Variants in CELF2 observed in about 807,000 individuals in gnomAD.
The protein encoded by CELF2 is CUGBP Elav-like family member 2, also known as CUG triplet repeat RNA-binding protein 2.
CELF2 carries 8 observed loss-of-function variants against 62.6 expected under a neutral mutation model. The observed-to-expected ratio is 0.13, with a 90% CI of 0.07 to 0.23. The LOEUF (loss-of-function observed/expected upper bound fraction) is 0.23. Among genes scored for constraint, CELF2 ranks in the 10% least tolerant of loss-of-function variants. The pLI, the probability that CELF2 is intolerant of heterozygous loss-of-function variation, is 1.00. For synonymous variants in CELF2, 258 were observed against 250.0 expected (o/e 1.03, Z -0.30); for missense variants, 333 against 671.0 (o/e 0.50, Z 5.56).
the CELF2 span, among the ~76,000 whole-genome samples, chr10:10,728,920 G>C: frequency 1.3e-5 from 2 of 152,114 alleles, no homozygotes; most frequent in Non-Finnish European, 2.9e-5. Flanking sequence ...CCTTAACAAG[G>C]TCTACTGCTA....
chr10:10,619,442 T>A, the CELF2 span, among the ~76,000 whole-genome samples: 1 of 152,230 alleles, frequency 6.6e-6, no homozygotes, highest in Non-Finnish European at 1.5e-5. Context: ...TAGAAATCTT[T>A]ACAGAACAGC....
chr10:10,798,781 C>G (rs2054333097), exon 1 of CELF2: 1 of 398,720 alleles, frequency 2.5e-6, no homozygotes, highest in African/African-American at 2.1e-5. Flanking sequence ...TCCTTGGTCT[C>G]TGACTTGGAT....
chr10:11,272,110 T>C (rs2084038231), intron 7 of CELF2, among the ~76,000 whole-genome samples: 1 of 152,168 alleles, frequency 6.6e-6, no homozygotes, highest in African/African-American at 2.4e-5. Context: ...ATAATAGCTC[T>C]TCAGTACATA....
At position 10,936,565 on chromosome 10, in the gene CELF2, G is replaced by A. The variant is rs2135328401; in HGVS notation, c.89+16566G>A. On this transcript the variant is annotated intron_variant, in intron 2 of 13. Transcript: ENST00000636488. The surrounding 1 kb of genome is among the most constrained non-coding windows in gnomAD (Gnocchi z 4.0). ...GATGGAGTCCAGTTATCATTGCAGGGCCTGTTCTTGGGGCAGAAGAGTCAG... is the reference window on the plus strand; with the variant it reads ...GATGGAGTCCAGTTATCATTGCAGGACCTGTTCTTGGGGCAGAAGAGTCAG... 1 of 152,304 alleles carries A rather than the reference G, an allele frequency of 6.6e-6. No individual in the cohort carries two copies. Among genetic ancestry groups the A allele is most frequent in the East Asian group, 1.9e-4 (1 of 5,182 alleles). 9.4% of individuals were successfully genotyped at this position (152,304 alleles called of 1,614,324 possible). A position where few individuals can be genotyped will look rare whatever the true frequency, so the allele number is the denominator to read the frequency against.
At position 11,267,237 on chromosome 10, in the gene CELF2, C is replaced by A. The variant is rs1299681309; in HGVS notation, c.618+560C>A. Among the ~76,000 whole-genome samples, 2 of 152,202 alleles carry A rather than the reference C, an allele frequency of 1.3e-5. No homozygotes were observed. The highest frequency in any genetic ancestry group is 2.4e-5 in the African/African-American group (1 of 41,446). On this transcript the variant is annotated intron_variant, in intron 6 of 12. Transcript: ENST00000633077. This position sits in a 1 kb window ranked among gnomAD's most constrained non-coding sequence, Gnocchi z 4.4. ...CAAATTTGGAAAATAGGATTTGTCT[C>A]CTTCCTTAAAAAGATGAGCAATAAC...
chr10:10,666,520 C>G, the CELF2 span, among the ~76,000 whole-genome samples: 1 of 152,276 alleles, frequency 6.6e-6, no homozygotes, highest in African/African-American at 2.4e-5. Context: ...CTGAAATCAC[C>G]TATCTCAGAA....
chr10:11,099,506 A>G (rs916828573), intron 1 of CELF2, among the ~76,000 whole-genome samples: 48 of 152,310 alleles, frequency 3.2e-4, no homozygotes, highest in African/African-American at 1.1e-3. Context: ...TGCCTTAAAC[A>G]GATACATTTT....
At chr10:10,899,466 A>G (rs1591674240) in intron 1 of CELF2, among the ~76,000 whole-genome samples, 1 of 152,198 alleles carries the variant, frequency 6.6e-6, no homozygotes, top group East Asian at 1.9e-4. Context: ...AACCTAGATC[A>G]GGGGTGAACA....
rs1040822265 is a variant in CELF2 at position 10,961,521 on chromosome 10, C to T, written c.89+41522C>T. On this transcript the variant is annotated intron_variant, in intron 2 of 13. Transcript: ENST00000636488. ...CAGCCCTTTGGGAGGCTGAGGTGAG[C>T]GGATCACGTGAGGTCAAGAGTAAAA... Among the ~76,000 whole-genome samples the T allele has an allele frequency of 1.6e-4, 25 of 151,696 alleles. No homozygotes were observed. The East Asian group carries it at 3.9e-3, about 24-fold the overall frequency.
intron 1 of CELF2, among the ~76,000 whole-genome samples, chr10:10,859,630 T>C (rs2059942570): frequency 2.0e-5 from 3 of 152,078 alleles, no homozygotes; most frequent in Admixed American, 2.0e-4. Context: ...CACAAACCTT[T>C]TTATAGTAGC....
chr10:10,575,848 A>C, the CELF2 span, among the ~76,000 whole-genome samples: 1 of 152,354 alleles, frequency 6.6e-6, no homozygotes, highest in East Asian at 1.9e-4. Context: ...TCTAAGTGAA[A>C]TTCAACAACT....
At chr10:10,783,224 G>A in the CELF2 span, among the ~76,000 whole-genome samples, 1 of 152,136 alleles carries the variant, frequency 6.6e-6, no homozygotes, top group African/African-American at 2.4e-5. Flanking sequence ...GACCTTACTT[G>A]AAATAAAGTC....
chr10:11,005,158 C>T (rs2054967460), upstream of CELF2: 1 of 984,428 alleles, frequency 1.0e-6, no homozygotes, highest in Non-Finnish European at 1.2e-6. This position sits in a 1 kb window ranked among gnomAD's most constrained non-coding sequence, Gnocchi z 4.3. Context: ...CATAACTTGT[C>T]AGAGAGGATT....
intron 1 of CELF2, among the ~76,000 whole-genome samples, chr10:10,896,163 T>C (rs2062540012): frequency 6.6e-6 from 1 of 152,124 alleles, no homozygotes; most frequent in South Asian, 2.1e-4. Context: ...TTAAAGGTCA[T>C]AGTGACTGGT....
chr10:10,711,598 G>T, the CELF2 span, among the ~76,000 whole-genome samples: 2 of 152,156 alleles, frequency 1.3e-5, no homozygotes, highest in Non-Finnish European at 2.9e-5. Context: ...ATAGAGGCAG[G>T]GGTGCAGGCA....
chr10:11,016,767 T>C (rs2057312125), upstream of CELF2, among the ~76,000 whole-genome samples: 1 of 152,222 alleles, frequency 6.6e-6, no homozygotes, highest in South Asian at 2.1e-4. The surrounding 1 kb of genome is among the most constrained non-coding windows in gnomAD (Gnocchi z 5.2). Flanking sequence ...GACTGAAAAT[T>C]ACATATTTCA....
the CELF2 span, among the ~76,000 whole-genome samples, chr10:10,515,486 C>T: frequency 2.0e-5 from 3 of 152,110 alleles, no homozygotes; most frequent in African/African-American, 7.2e-5. Flanking sequence ...TAAGGAAAAA[C>T]AAACAAGATT....
rs149560485 is a variant in CELF2 at position 11,066,347 on chromosome 10, A to G, written c.74+48184A>G. ...ACTTGCTATGGTGGGTGTGCTGCCA[A>G]TCACTGTACGTTGATTAACCCTGTG... On this transcript the variant is annotated intron_variant, in intron 1 of 12. Coordinates refer to ENST00000633077, the MANE Select transcript of CELF2 (RefSeq NM_001326342.2). 7.2e-5 allele frequency among the ~76,000 whole-genome samples: 11 copies of G among 152,108 alleles called. No homozygotes were observed. The East Asian group carries it at 2.1e-3, about 29-fold the overall frequency.
chr10:10,913,601 G>T (rs1252220286), intron 1 of CELF2, among the ~76,000 whole-genome samples: 3 of 148,684 alleles, frequency 2.0e-5, no homozygotes, highest in African/African-American at 7.8e-5. Context: ...ATGTTGCCCA[G>T]GCTGGTCCCA....
Sources: allele counts gnomAD v4.1 joint callset (sites outside exome capture counted in the v4.1 genomes callset), GRCh38; gene constraint gnomAD v4.1.1; non-coding constraint Gnocchi (gnomAD v3.1); transcripts MANE v1.5; gene names NCBI Gene and HGNC (gene_info 2026-07-23, HGNC 2026-07-21).